Variants in UNC79 observed in about 807,000 individuals in gnomAD.
UNC79 encodes protein unc-79 homolog.
A neutral mutation model predicts 283.1 loss-of-function variants in UNC79; 37 were observed. That is an observed-to-expected ratio of 0.13 (90% CI 0.10 to 0.17). UNC79 has a LOEUF of 0.17. Ranked by LOEUF, UNC79 falls within the 10% of genes least tolerant of loss-of-function variation. The pLI is 1.00. For synonymous variants in UNC79, 1,107 were observed against 1,200.2 expected (o/e 0.92, Z 1.61); for missense variants, 2,272 against 3,211.1 (o/e 0.71, Z 7.07).
rs568399869 is a variant in UNC79 at position 93,474,676 on chromosome 14, A to G, written c.448+283A>G. On this transcript the variant is annotated intron_variant, in intron 3 of 48. Transcript: ENST00000555664. This position sits in a 1 kb window ranked among gnomAD's most constrained non-coding sequence, Gnocchi z 4.1. The stretch of plus-strand genomic sequence containing the variant: ...AGAAATTTTCTCTTCTTTCCTGATC[A>G]GTTATCATGAGGACTCTTGTTGAAA... Among the ~76,000 whole-genome samples the G allele has an allele frequency of 1.1e-4, 17 of 152,318 alleles. No homozygotes were observed. The Middle Eastern group carries it at 0.017, about 152-fold the overall frequency.
In UNC79 at chr14:93,673,062, C is replaced by G. The variant is rs149032258; in HGVS notation, c.6637-289C>G. ...GATTTAATTGCTGCAGTTCTTGGAA[C>G]CTGTTTCCTGTGAATAAGAACCAAA... is the stretch of plus-strand genomic sequence containing the variant. On this transcript the variant is annotated intron_variant, in intron 40 of 48. Coordinates refer to ENST00000555664, the Ensembl canonical transcript of UNC79. 2.3e-3 allele frequency among the ~76,000 whole-genome samples: 345 copies of G among 152,256 alleles called. 4 individuals carry two copies. The highest frequency in any genetic ancestry group is 7.7e-3 in the African/African-American group (322 of 41,554).
chr14:93,505,486 A>G (rs1465178433), intron 7 of UNC79, among the ~76,000 whole-genome samples: 7 of 152,082 alleles, frequency 4.6e-5, no homozygotes, highest in East Asian at 1.9e-4. Flanking sequence ...ACCAGCTTTC[A>G]TGAGTGTTTG....
chr14:93,394,163 C>T (rs1395860355), intron 1 of UNC79, among the ~76,000 whole-genome samples: 2 of 152,076 alleles, frequency 1.3e-5, no homozygotes, highest in Non-Finnish European at 2.9e-5. Context: ...CATTCATCAT[C>T]AGGTTTCATT....
intron 24 of UNC79, 64 bp downstream of exon 24, chr14:93,597,604 G>A (rs1159225211): frequency 1.0e-5 from 15 of 1,499,858 alleles, no homozygotes; most frequent in African/African-American, 2.8e-5. Context: ...AAATCATTGC[G>A]TTGTTTGTCA....
rs559236468 is a variant in UNC79 at position 93,591,693 on chromosome 14, C to T, written c.3033-1987C>T. On this transcript the variant is annotated intron_variant, in intron 22 of 48. Coordinates refer to ENST00000555664, the Ensembl canonical transcript of UNC79. The stretch of plus-strand genomic sequence containing the variant: ...GCAATTCAACTTTTCCTAGCAACGT[C>T]GTGACTTTTGTCTGCTTTCTGGGAG... Among the ~76,000 whole-genome samples the T allele has an allele frequency of 7.2e-5, 11 of 152,326 alleles. No homozygotes were observed. The South Asian group carries it at 2.1e-3, about 29-fold the overall frequency.
In UNC79 at chr14:93,395,026, A is replaced by G. The variant is rs1045053451; in HGVS notation, c.-351+61503A>G. On this transcript the variant is annotated intron_variant, in intron 1 of 49. Coordinates refer to the UNC79 transcript ENST00000256339. The stretch of plus-strand genomic sequence containing the variant: ...CTTCACCTGGCCTGTCTTTTAAATT[A>G]TATAGAAAAGAAAGAGTTACAAACA... Among the ~76,000 whole-genome samples, 5 of 152,308 alleles carry G rather than the reference A, an allele frequency of 3.3e-5. No individual in the cohort carries two copies. In the East Asian group the frequency reaches 7.7e-4, roughly 23 times the overall value.
intron 14 of UNC79, among the ~76,000 whole-genome samples, chr14:93,558,283 G>A (rs369335519): frequency 9.9e-5 from 15 of 152,188 alleles, no homozygotes; most frequent in South Asian, 2.1e-4. Flanking sequence ...CAGGCTGGGC[G>A]CGGTGGCTCA....
chr14:93,473,755 T>G (rs1379755233), intron 2 of UNC79, among the ~76,000 whole-genome samples: 2 of 152,230 alleles, frequency 1.3e-5, no homozygotes, highest in Non-Finnish European at 2.9e-5. Flanking sequence ...AAGCCGTTGT[T>G]TTTTTCTCCC....
intron 1 of UNC79, chr14:93,347,482 C>A: frequency 7.5e-7 from 1 of 1,336,860 alleles, no homozygotes; most frequent in Admixed American, 3.5e-5. Flanking sequence ...GAGGACACGG[C>A]GTGCAGGCCT....
intron 1 of UNC79, among the ~76,000 whole-genome samples, chr14:93,434,226 A>C (rs951279748): frequency 1.1e-4 from 17 of 152,132 alleles, no homozygotes; most frequent in Admixed American, 2.0e-4. Flanking sequence ...AAAGAAAAAA[A>C]AAAAGAAAAG....
At chr14:93,425,241 C>T (rs146291587) in intron 1 of UNC79, among the ~76,000 whole-genome samples, 1 of 152,148 alleles carries the variant, frequency 6.6e-6, no homozygotes, top group Non-Finnish European at 1.5e-5. Flanking sequence ...GGGGAAAAGC[C>T]CCTTATAAAA....
chr14:93,418,462 G>A (rs1354548656), intron 1 of UNC79, among the ~76,000 whole-genome samples: 1 of 151,708 alleles, frequency 6.6e-6, no homozygotes, highest in Non-Finnish European at 1.5e-5. Flanking sequence ...GCTGCTCGGG[G>A]GTCAGGAGTC....
intron 1 of UNC79, among the ~76,000 whole-genome samples, chr14:93,438,825 T>G (rs2056191700): frequency 6.6e-6 from 1 of 152,120 alleles, no homozygotes; most frequent in Non-Finnish European, 1.5e-5. Context: ...AATTGACATC[T>G]TTCTGATATT....
intron 22 of UNC79, among the ~76,000 whole-genome samples, chr14:93,588,385 G>C (rs1229237449): frequency 6.6e-6 from 1 of 152,128 alleles, no homozygotes; most frequent in Non-Finnish European, 1.5e-5. Context: ...GTTAGAAGAG[G>C]AAAGGAAACA....
intron 14 of UNC79, among the ~76,000 whole-genome samples, chr14:93,562,655 G>GA (rs1161281628): frequency 1.3e-5 from 2 of 152,132 alleles, no homozygotes; most frequent in Non-Finnish European, 2.9e-5. Context: ...CTGAGAAACT[G>GA]CTTGGGTGAT....
At chr14:93,580,468 A>G in intron 19 of UNC79, 92 bp downstream of exon 19, 1 of 1,246,714 alleles carries the variant, frequency 8.0e-7, no homozygotes, top group South Asian at 1.5e-5. Context: ...GCAGCATCTT[A>G]TACTCCATGC....
chr14:93,651,912 ATTTTTTTTTTTTT>A (rs71129653), intron 35 of UNC79, among the ~76,000 whole-genome samples: 15 of 46,602 alleles, frequency 3.2e-4, no homozygotes, highest in South Asian at 1.8e-3. Flanking sequence ...CTAATTTTGT[ATTTTTTTTTTTTT>A]TTTTTTTTTT....
At chr14:93,404,493 A>AAAT in intron 1 of UNC79, among the ~76,000 whole-genome samples, 4 of 61,494 alleles carry the variant, frequency 6.5e-5, no homozygotes, top group African/African-American at 2.0e-4. Context: ...TTCTAAAAAA[A>AAAT]ATATATATAT....
At chr14:93,405,296 A>C (rs1050208604) in intron 1 of UNC79, among the ~76,000 whole-genome samples, 1 of 151,034 alleles carries the variant, frequency 6.6e-6, no homozygotes, top group African/African-American at 2.4e-5. Flanking sequence ...AAAAAAAAAA[A>C]TCCACAAGAA....
Sources: gnomAD v4.1 joint callset for allele counts (sites outside exome capture counted in the v4.1 genomes callset) on GRCh38, gnomAD v4.1.1 for gene constraint, Gnocchi (gnomAD v3.1) non-coding constraint, MANE v1.5 for transcripts, NCBI Gene and HGNC (gene_info 2026-07-23, HGNC 2026-07-21) for gene names.